ARRB1: variants seen among roughly 807,000 people sequenced by gnomAD.
The protein encoded by ARRB1 is beta-arrestin-1.
ARRB1 carries 21 observed loss-of-function variants against 56.8 expected under a neutral mutation model. The observed-to-expected ratio is 0.37, with a 90% CI of 0.26 to 0.53. The LOEUF (loss-of-function observed/expected upper bound fraction) is 0.53. Among genes scored for constraint, ARRB1 ranks in the 20% least tolerant of loss-of-function variants. The probability of loss-of-function intolerance (pLI) is 0.88; values close to 1 mark genes in which losing one functional copy is unlikely to be tolerated. For missense variants in ARRB1, 424 were observed against 553.7 expected (o/e 0.77, Z 2.35); for synonymous variants, 210 against 218.6 (o/e 0.96, Z 0.35).
chr11:75,330,458 A>G (rs1178615309), intron 1 of ARRB1, among the ~76,000 whole-genome samples: 1 of 151,994 alleles, frequency 6.6e-6, no homozygotes, highest in Non-Finnish European at 1.5e-5. Flanking sequence ...GCCCCTGGCT[A>G]TATGTAAATG....
chr11:75,317,823 C>A (rs1028688305), intron 1 of ARRB1, among the ~76,000 whole-genome samples: 1 of 152,152 alleles, frequency 6.6e-6, no homozygotes, highest in African/African-American at 2.4e-5. Flanking sequence ...ATGAGGACAG[C>A]GAGACTCTGA....
At chr11:75,321,398 T>C (rs2140495737) in intron 1 of ARRB1, among the ~76,000 whole-genome samples, 1 of 151,586 alleles carries the variant, frequency 6.6e-6, no homozygotes, top group South Asian at 2.1e-4. Flanking sequence ...ACCACCAAAG[T>C]AACCCATCTC....
intron 2 of ARRB1, among the ~76,000 whole-genome samples, chr11:75,287,838 A>C (rs1946517521): frequency 6.6e-6 from 1 of 152,190 alleles, no homozygotes. Context: ...GGATCCACTG[A>C]TACGAGGACT....
At chr11:75,335,576 C>A (rs900797734) in intron 1 of ARRB1, among the ~76,000 whole-genome samples, 1 of 113,994 alleles carries the variant, frequency 8.8e-6, no homozygotes, top group East Asian at 2.4e-4. Context: ...CAGAGCCAGG[C>A]CCTGTCCCTG....
chr11:75,309,009 C>T (rs1947098102), intron 1 of ARRB1, among the ~76,000 whole-genome samples: 1 of 152,268 alleles, frequency 6.6e-6, no homozygotes, highest in Non-Finnish European at 1.5e-5. Flanking sequence ...CCTCATTTTA[C>T]AGAATTGGAA....
chr11:75,289,447 A>G (rs954520340), intron 2 of ARRB1, among the ~76,000 whole-genome samples: 7 of 152,198 alleles, frequency 4.6e-5, no homozygotes, highest in Non-Finnish European at 8.8e-5. Flanking sequence ...TGCCTCTGCC[A>G]TCTGGCTGTG....
intron 14 of ARRB1, 90 bp from the exon 15 acceptor site, chr11:75,267,793 C>T (rs1945963985): frequency 2.7e-6 from 3 of 1,128,376 alleles, no homozygotes; most frequent in African/African-American, 1.5e-5. Context: ...CCTGGGACAA[C>T]CAGACTAACA....
chr11:75,345,398 C>G (rs1246752461), intron 1 of ARRB1, among the ~76,000 whole-genome samples: 1 of 152,098 alleles, frequency 6.6e-6, no homozygotes, highest in Non-Finnish European at 1.5e-5. Flanking sequence ...CTCTGTTCTC[C>G]AACCCCCTAC....
chr11:75,266,289 A>G lies in ARRB1; in HGVS notation c.1146-15T>C. 6.2e-7 allele frequency: 1 copy of G among 1,606,674 alleles called. No homozygotes were observed. The highest frequency in any genetic ancestry group is 8.5e-7 in the Non-Finnish European group (1 of 1,173,116). On this transcript the variant is annotated splice_polypyrimidine_tract_variant and intron_variant, in intron 15 of 15. Transcript: ENST00000420843. ...TGTCGTCATCACTGGTGGGAGAGAC[A>G]AGGAAAATGTGGTGTGTTTGCAGGG...
At chr11:75,321,478 A>G (rs1191591113) in intron 1 of ARRB1, among the ~76,000 whole-genome samples, 1 of 152,050 alleles carries the variant, frequency 6.6e-6, no homozygotes, top group Non-Finnish European at 1.5e-5. Flanking sequence ...ACACATGCTC[A>G]CCACCATTTG....
At chr11:75,280,899 A>ACCTCCCCAAGGAAGC in intron 7 of ARRB1, 176 bp downstream of exon 7, 1 of 686,016 alleles carries the variant, frequency 1.5e-6, no homozygotes, top group Non-Finnish European at 2.5e-6. Context: ...AGTCGAAGCC[A>ACCTCCCCAAGGAAGC]CCTCCCCAAG....
chr11:75,287,244 G>C (rs1205074476), intron 3 of ARRB1, 71 bp downstream of exon 3: 1 of 1,488,590 alleles, frequency 6.7e-7, no homozygotes, highest in Non-Finnish European at 9.1e-7. Context: ...CTGGAGAGCT[G>C]AGAGCTATTT....
At chr11:75,348,387 G>T (rs1413167948) in intron 1 of ARRB1, among the ~76,000 whole-genome samples, 1 of 152,098 alleles carries the variant, frequency 6.6e-6, no homozygotes, top group East Asian at 1.9e-4. Context: ...TTCTCCTTAA[G>T]CCTCCCACAA....
chr11:75,283,940 C>T (rs181725805), intron 4 of ARRB1, among the ~76,000 whole-genome samples: 255 of 152,222 alleles, frequency 1.7e-3, no homozygotes, highest in African/African-American at 5.9e-3. Context: ...GATACTGCCC[C>T]GGTATCAATG....
At chr11:75,328,850 C>T (rs1245689240) in intron 1 of ARRB1, among the ~76,000 whole-genome samples, 1 of 152,166 alleles carries the variant, frequency 6.6e-6, no homozygotes, top group African/African-American at 2.4e-5. Context: ...CCCAGTATTC[C>T]TCAATGCACA....
At chr11:75,313,849 A>G (rs1224162195) in intron 1 of ARRB1, among the ~76,000 whole-genome samples, 1 of 152,212 alleles carries the variant, frequency 6.6e-6, no homozygotes, top group Non-Finnish European at 1.5e-5. Context: ...AATGAGCAAC[A>G]GAAAAAGCAT....
At chr11:75,294,522 A>G (rs1037899085) in intron 1 of ARRB1, among the ~76,000 whole-genome samples, 2 of 151,996 alleles carry the variant, frequency 1.3e-5, no homozygotes, top group African/African-American at 4.8e-5. Flanking sequence ...ATGTGACTTC[A>G]CTCCAGCCTG....
At position 75,262,576 on chromosome 11, in the gene ARRB1, CCA is replaced by C. The variant is rs1945820877; in HGVS notation, c.*3585_*3586del. 6.6e-6 allele frequency: 1 copy of C among 152,244 alleles called. No individual in the cohort carries two copies. Among genetic ancestry groups the C allele is most frequent in the Non-Finnish European group, 1.5e-5 (1 of 68,062 alleles). 9.4% of individuals were successfully genotyped at this position (152,244 alleles called of 1,614,324 possible). On this transcript the variant is annotated 3_prime_UTR_variant, in exon 16 of 16. Transcript: ENST00000420843. ...TTGGGCCATCCCTGCAGTGGCAGGG[CCA>C]CACACATCCAGCCATTTTCAACTTA... is the stretch of plus-strand genomic sequence containing the variant.
At chr11:75,282,930 G>A (rs34914104) in intron 5 of ARRB1, among the ~76,000 whole-genome samples, 1,943 of 152,334 alleles carry the variant, frequency 0.013, 37 homozygotes, top group African/African-American at 0.044. Context: ...TTGCGAGCTG[G>A]GTTGCTGCCG....
Sources: gnomAD v4.1 joint callset for allele counts (sites outside exome capture counted in the v4.1 genomes callset) on GRCh38, gnomAD v4.1.1 for gene constraint, MANE v1.5 for transcripts, NCBI Gene and HGNC (gene_info 2026-07-23, HGNC 2026-07-21) for gene names.